Variants in CCR3 observed in about 807,000 individuals in gnomAD.
CCR3 encodes the protein C-C motif chemokine receptor 3, also known as C-C chemokine receptor type 3.
For missense variants in CCR3, 419 were observed against 437.5 expected (o/e 0.96, Z 0.38); for synonymous variants, 203 against 179.2 (o/e 1.13, Z -1.06).
chr3:46,237,118 T>C (rs142967820), intron 2 of CCR3, among the ~76,000 whole-genome samples: 235 of 152,378 alleles, frequency 1.5e-3, no homozygotes, highest in African/African-American at 5.2e-3. Context: ...TATTCATCCA[T>C]TGATGAACAC....
At chr3:46,254,717 A>C (rs536610373) in intron 1 of CCR3, among the ~76,000 whole-genome samples, 1 of 152,256 alleles carries the variant, frequency 6.6e-6, no homozygotes, top group African/African-American at 2.4e-5. Flanking sequence ...GCTCTCACTT[A>C]TGAGTGACAA....
chr3:46,255,823 A>C (rs894631295), intron 1 of CCR3, among the ~76,000 whole-genome samples: 8 of 152,144 alleles, frequency 5.3e-5, no homozygotes, highest in African/African-American at 1.9e-4. Flanking sequence ...TGTAGTTTGA[A>C]GCTGGGTAAC....
At chr3:46,229,418 T>C (rs1199609530) in intron 2 of CCR3, among the ~76,000 whole-genome samples, 2 of 152,196 alleles carry the variant, frequency 1.3e-5, no homozygotes, top group African/African-American at 2.4e-5. Flanking sequence ...AATATAGAAA[T>C]TGGTACCTTG....
chr3:46,220,055 C>T lies in CCR3; in HGVS notation c.-68+9148C>T, dbSNP rs549024034. Among the ~76,000 whole-genome samples, 14 of 152,304 alleles carry T rather than the reference C, an allele frequency of 9.2e-5. 1 individual carries two copies. The South Asian group carries it at 2.9e-3, about 32-fold the overall frequency. On this transcript the variant is annotated intron_variant, in intron 2 of 3. Coordinates refer to the CCR3 transcript ENST00000357422. ...AATAATCAGCAGAGTAAACAGACAA[C>T]CCACAGAGTGGGAGAAAATCTTTGC...
chr3:46,230,223 A>T (rs900072018), intron 2 of CCR3, among the ~76,000 whole-genome samples: 4 of 152,192 alleles, frequency 2.6e-5, no homozygotes, highest in African/African-American at 9.7e-5. Context: ...AGGAGGACTC[A>T]TTCTTTTCTG....
rs559872300 is a variant in CCR3, at chr3:46,254,472, G to A, written c.-11-10676G>A. On this transcript the variant is annotated intron_variant, in intron 1 of 1. Coordinates refer to ENST00000395940, the MANE Select transcript of CCR3 (RefSeq NM_178329.3). ...AAAGGGGAAGTATTTTTCCCCCCTG[G>A]GTTCAAAGTTCTTTTTTAAAAAAAA... Among the ~76,000 whole-genome samples the A allele has an allele frequency of 2.9e-5, 4 of 138,244 alleles. No homozygotes were observed. The South Asian group carries it at 1.1e-3, about 38-fold the overall frequency. The allele number at this position is 138,244 out of a possible 152,430, so 90.7% of individuals were successfully genotyped here. A position where few individuals can be genotyped will look rare whatever the true frequency, so the allele number is the denominator to read the frequency against.
At chr3:46,229,816 A>AT (rs201742461) in intron 2 of CCR3, among the ~76,000 whole-genome samples, 2,110 of 152,236 alleles carry the variant, frequency 0.014, 20 homozygotes, top group Non-Finnish European at 0.022. Context: ...TGAGGTGAAG[A>AT]TTCGTGTGCA....
intron 2 of CCR3, among the ~76,000 whole-genome samples, chr3:46,222,161 CAG>C (rs918407968): frequency 6.6e-6 from 1 of 152,176 alleles, no homozygotes; most frequent in African/African-American, 2.4e-5. Context: ...AGCAGTGAGA[CAG>C]AGGAAGCAGG....
rs199972320 is a variant in CCR3 at position 46,265,314 on chromosome 3, T to C, written c.156T>C (p.Asn52=). 38 of 1,614,096 alleles carry C rather than the reference T, an allele frequency of 2.4e-5. No homozygotes were observed. The highest frequency in any genetic ancestry group is 3.1e-5 in the Non-Finnish European group (37 of 1,179,994). The change falls in exon 2 of 2, where the codon AAT becomes AAC. Residue 52 remains asparagine, a synonymous_variant. Transcript: ENST00000395940. ...TGTTCACTGTGGGCCTCTTGGGCAA[T>C]GTGGTGGTGGTGATGATCCTCATAA... ...SLVFTVGLLG[N]VVVVMILIKY... is the part of the protein sequence containing the mutation.
At chr3:46,249,554 G>A (rs936404009) in intron 1 of CCR3, among the ~76,000 whole-genome samples, 6 of 152,148 alleles carry the variant, frequency 3.9e-5, no homozygotes, top group Admixed American at 1.3e-4. Context: ...CTTCCGAGGC[G>A]ATCAGGCTGT....
At chr3:46,236,685 A>T (rs1377385844) in intron 2 of CCR3, among the ~76,000 whole-genome samples, 3 of 152,206 alleles carry the variant, frequency 2.0e-5, no homozygotes, top group African/African-American at 7.2e-5. Context: ...GGTCCCCAGG[A>T]TGTCCAGAGT....
intron 2 of CCR3, among the ~76,000 whole-genome samples, chr3:46,226,658 C>T (rs1314406677): frequency 2.0e-5 from 3 of 152,090 alleles, no homozygotes; most frequent in Non-Finnish European, 4.4e-5. Flanking sequence ...TCTTGTCTTA[C>T]TGCACTGGCT....
chr3:46,241,059 G>A (rs1204788840), upstream of CCR3, among the ~76,000 whole-genome samples: 3 of 152,056 alleles, frequency 2.0e-5, no homozygotes, highest in Non-Finnish European at 2.9e-5. Flanking sequence ...CACCAACAAG[G>A]TTATAGACTC....
chr3:46,215,582 A>C (rs1699764675), intron 2 of CCR3, among the ~76,000 whole-genome samples: 3 of 152,180 alleles, frequency 2.0e-5, no homozygotes, highest in Admixed American at 2.0e-4. Flanking sequence ...CAGATCCCCA[A>C]GGGATTTGTT....
intron 2 of CCR3, among the ~76,000 whole-genome samples, chr3:46,220,247 T>A (rs1166842872): frequency 6.6e-6 from 1 of 152,096 alleles, no homozygotes; most frequent in African/African-American, 2.4e-5. Flanking sequence ...ATGCCCAACA[T>A]CACTAATTAT....
Position 46,266,265 on chromosome 3 carries a change from G to A in CCR3, c.*39G>A, listed in dbSNP as rs774783220. 7 of 1,361,406 alleles carry A rather than the reference G, an allele frequency of 5.1e-6. No individual in the cohort carries two copies. The East Asian group carries it at 1.6e-4, about 31-fold the overall frequency. 84.3% of individuals were successfully genotyped at this position (1,361,406 alleles called of 1,614,324 possible). On this transcript the variant is annotated 3_prime_UTR_variant, in exon 2 of 2. Transcript: ENST00000395940. ...AATTGCCTAAAGAGGAAGGACCAAG[G>A]AGATGAAGCAAACACATTAAGCCTT...
At position 46,266,218 on chromosome 3, in the gene CCR3, G is replaced by T. The variant is rs144064659; in HGVS notation, c.1060G>T (p.Val354Leu). The T allele has an allele frequency of 5.0e-6, 8 of 1,608,170 alleles. No individual in the cohort carries two copies. Among genetic ancestry groups the T allele is most frequent in the Admixed American group, 1.7e-5 (1 of 59,570 alleles). ...PSTAEPELSI[V>L]F is the part of the protein sequence containing the mutation. ...CACAGCAGAGCCGGAACTCTCTATT[G>T]TGTTTTAGGTCAGATGCAGAAAATT... The change falls in exon 2 of 2, where the codon GTG becomes TTG. Residue 354 changes from valine to leucine, a missense_variant. Physicochemically the swap from Val to Leu is conservative, Grantham distance 32 (BLOSUM62 1). Coordinates refer to ENST00000395940, the MANE Select transcript of CCR3 (RefSeq NM_178329.3).
At chr3:46,238,263 AAGTT>A (rs1468320862), upstream of CCR3, among the ~76,000 whole-genome samples, 1 of 151,832 alleles carries the variant, frequency 6.6e-6, no homozygotes, top group African/African-American at 2.4e-5. Context: ...TTAAAAAAAA[AAGTT>A]AGTCATTCTA....
chr3:46,216,648 C>T (rs1361680316), intron 2 of CCR3, among the ~76,000 whole-genome samples: 1 of 152,184 alleles, frequency 6.6e-6, no homozygotes, highest in Non-Finnish European at 1.5e-5. Context: ...ATCAGATTAA[C>T]AGCAGAATTC....
Sources: gnomAD v4.1 joint callset for allele counts (sites outside exome capture counted in the v4.1 genomes callset) on GRCh38, gnomAD v4.1.1 for gene constraint, MANE v1.5 for transcripts, NCBI Gene and HGNC (gene_info 2026-07-23, HGNC 2026-07-21) for gene names.